Variants in FILIP1 observed in about 807,000 individuals in gnomAD.
FILIP1 encodes the protein filamin-A-interacting protein 1.
A neutral mutation model predicts 102.1 loss-of-function variants in FILIP1; 61 were observed. That is an observed-to-expected ratio of 0.60 (90% CI 0.49 to 0.74). FILIP1 has a LOEUF of 0.74. FILIP1 is among the 30% of genes least tolerant of loss of function. The pLI is 0.00. For missense variants in FILIP1, 1,314 were observed against 1,441.2 expected, an observed-to-expected ratio of 0.91 and a Z score of 1.43; for synonymous variants, 491 against 526.9, an observed-to-expected ratio of 0.93 and a Z score of 0.93.
At chr6:75,301,008 T>C (rs1029677921) in intron 6 of FILIP1, among the ~76,000 whole-genome samples, 3 of 152,196 alleles carry the variant, frequency 2.0e-5, no homozygotes, top group African/African-American at 7.2e-5. Context: ...TAACTATAAA[T>C]AAAAATTAAG....
intron 4 of FILIP1, among the ~76,000 whole-genome samples, chr6:75,340,861 ATTTTTTTTT>A (rs59666589): frequency 1.2e-4 from 11 of 94,308 alleles, no homozygotes; most frequent in South Asian, 3.6e-4. Flanking sequence ...ATGCTCAGGA[ATTTTTTTTT>A]TTTTTTTTTT....
At chr6:75,308,973 T>C (rs955972074) in intron 5 of FILIP1, 76 bp from the exon 6 acceptor site, 13 of 1,505,888 alleles carry the variant, frequency 8.6e-6, no homozygotes, top group African/African-American at 1.4e-5. Flanking sequence ...ATCTGAACAT[T>C]AGTGGGACTC....
chr6:75,445,654 T>G (rs1046850302), intron 1 of FILIP1, among the ~76,000 whole-genome samples: 2 of 151,884 alleles, frequency 1.3e-5, no homozygotes, highest in African/African-American at 4.8e-5. Flanking sequence ...TACTACATCC[T>G]AGCACATCAT....
At chr6:75,395,804 A>G (rs868161064) in intron 2 of FILIP1, among the ~76,000 whole-genome samples, 14 of 152,306 alleles carry the variant, frequency 9.2e-5, no homozygotes, top group African/African-American at 3.4e-4. Context: ...GAACACCTGG[A>G]CAGAACGGAA....
At chr6:75,422,196 T>C (rs1020795351) in intron 1 of FILIP1, among the ~76,000 whole-genome samples, 1 of 152,046 alleles carries the variant, frequency 6.6e-6, no homozygotes, top group Non-Finnish European at 1.5e-5. Context: ...TAAAATATTT[T>C]TATATTTATA....
intron 2 of FILIP1, among the ~76,000 whole-genome samples, chr6:75,411,013 T>C (rs1052469693): frequency 6.6e-6 from 1 of 152,216 alleles, no homozygotes; most frequent in Non-Finnish European, 1.5e-5. Flanking sequence ...TCCACATTGG[T>C]TGAACTAATT....
intron 2 of FILIP1, among the ~76,000 whole-genome samples, chr6:75,391,540 T>A (rs1401389620): frequency 6.6e-6 from 1 of 152,172 alleles, no homozygotes; most frequent in East Asian, 1.9e-4. Flanking sequence ...ATACACCTAC[T>A]GCATCTTTGC....
At chr6:75,318,301 T>C (rs1245646199) in intron 4 of FILIP1, among the ~76,000 whole-genome samples, 1 of 151,048 alleles carries the variant, frequency 6.6e-6, no homozygotes, top group Admixed American at 6.6e-5. Flanking sequence ...TGTGGCATGA[T>C]TATAGTTCAC....
At chr6:75,297,808 C>A (rs1369899820) in intron 6 of FILIP1, among the ~76,000 whole-genome samples, 2 of 152,182 alleles carry the variant, frequency 1.3e-5, no homozygotes, top group African/African-American at 2.4e-5. Flanking sequence ...CAATTTCCTT[C>A]CCTTAAGAAA....
Position 75,308,503 on chromosome 6 carries a change from T to C in FILIP1, c.*188A>G. 1 of 1,421,942 alleles carries C rather than the reference T, an allele frequency of 7.0e-7. No homozygotes were observed. The highest frequency in any genetic ancestry group is 9.2e-7 in the Non-Finnish European group (1 of 1,091,730). The allele number at this position is 1,421,942 out of a possible 1,614,324, so 88.1% of individuals were successfully genotyped here. A position where few individuals can be genotyped will look rare whatever the true frequency, so the allele number is the denominator to read the frequency against. On this transcript the variant is annotated 3_prime_UTR_variant, in exon 6 of 6. Transcript: ENST00000237172. Reference sequence around the variant, plus strand: ...TCTAGGCAGCAAGCAATAGTTTTGCTAATTTTGTTCCCCAGCATCAAAACA... The same window carrying C: ...TCTAGGCAGCAAGCAATAGTTTTGCCAATTTTGTTCCCCAGCATCAAAACA...
Position 75,362,777 on chromosome 6 carries a change from T to C in FILIP1, c.417A>G (p.Ile139Met), listed in dbSNP as rs1414228659. The C allele has an allele frequency of 6.2e-7, 1 of 1,613,784 alleles. No homozygotes were observed. The highest frequency in any genetic ancestry group is 8.5e-7 in the Non-Finnish European group (1 of 1,180,004). Residue 139 changes from isoleucine (I) to methionine (M), a missense_variant, in exon 3 of 6, where the codon ATA becomes ATG. Around this residue, in one of 3 missense-constraint regions of FILIP1, gnomAD observed 494 missense variants for 511.2 expected, o/e 0.97. Coordinates refer to ENST00000237172, the MANE Select transcript of FILIP1 (RefSeq NM_015687.5). ...TCGGTTTCTCATAGACATCTTCTCC[T>C]ATGGATTTCTCCTGGGCAAGAATGG... ...RDAILAQEKS[I>M]GEDVYEKPIS...
intron 2 of FILIP1, among the ~76,000 whole-genome samples, chr6:75,387,919 G>A (rs1192598838): frequency 1.3e-5 from 2 of 152,108 alleles, no homozygotes; most frequent in Admixed American, 6.6e-5. Flanking sequence ...GGCTTTTGTT[G>A]CCATTGCTTT....
intron 1 of FILIP1, among the ~76,000 whole-genome samples, chr6:75,431,017 G>C (rs968368554): frequency 1.3e-5 from 2 of 152,156 alleles, no homozygotes; most frequent in African/African-American, 4.8e-5. Flanking sequence ...GATTAACTCA[G>C]GAAAGTTGCA....
rs528959849 is a variant in FILIP1, at chr6:75,323,208, T to C, written c.630-8006A>G. Among the ~76,000 whole-genome samples, 100 of 152,306 alleles carry C rather than the reference T, an allele frequency of 6.6e-4. 1 individual carries two copies. Among genetic ancestry groups the C allele is most frequent in the Non-Finnish European group, 4.1e-4 (28 of 68,012 alleles). On this transcript the variant is annotated intron_variant, in intron 4 of 5. Coordinates refer to ENST00000237172, the MANE Select transcript of FILIP1 (RefSeq NM_015687.5). Reference sequence around the variant, plus strand: ...TAAAAACCCAGGTAAATGAGTGGCATAGTAGTTCCATTCTGAGCTCCAAAT... The same window carrying C: ...TAAAAACCCAGGTAAATGAGTGGCACAGTAGTTCCATTCTGAGCTCCAAAT...
At chr6:75,424,716 C>T (rs1171209677) in intron 1 of FILIP1, among the ~76,000 whole-genome samples, 1 of 152,074 alleles carries the variant, frequency 6.6e-6, no homozygotes, top group Non-Finnish European at 1.5e-5. Flanking sequence ...AAATGTGAGG[C>T]AAATCCCAGT....
intron 2 of FILIP1, among the ~76,000 whole-genome samples, chr6:75,369,897 C>T (rs1192596056): frequency 6.6e-6 from 1 of 152,216 alleles, no homozygotes; most frequent in African/African-American, 2.4e-5. Flanking sequence ...ATGACCCCAG[C>T]ACGATGATCC....
chr6:75,306,752 T>C (rs1358440851), downstream of FILIP1, among the ~76,000 whole-genome samples: 1 of 151,378 alleles, frequency 6.6e-6, no homozygotes, highest in East Asian at 1.9e-4. Context: ...ATTTTCTTTT[T>C]TTTCCTTTTT....
downstream of FILIP1, among the ~76,000 whole-genome samples, chr6:75,306,000 T>G (rs1488014823): frequency 6.6e-6 from 1 of 152,250 alleles, no homozygotes; most frequent in Non-Finnish European, 1.5e-5. Flanking sequence ...AAGTTGCATC[T>G]TAAAAGTACT....
intron 2 of FILIP1, among the ~76,000 whole-genome samples, chr6:75,413,967 G>C: frequency 6.6e-6 from 1 of 150,972 alleles, no homozygotes; most frequent in East Asian, 1.9e-4. Context: ...AGAGGAAAGA[G>C]CATAGGACGA....
Sources: gnomAD v4.1 joint callset for allele counts (sites outside exome capture counted in the v4.1 genomes callset) on GRCh38, gnomAD v4.1.1 for gene constraint, gnomAD v4.1.1 regional missense constraint, MANE v1.5 for transcripts, NCBI Gene and HGNC (gene_info 2026-07-23, HGNC 2026-07-21) for gene names.